CNTN5: variants seen among roughly 807,000 people sequenced by gnomAD.
CNTN5 encodes contactin-5.
Under a neutral mutation model 129.1 loss-of-function variants are expected in CNTN5, and 77 were observed. That is an observed-to-expected ratio of 0.60 (90% CI 0.50 to 0.72). CNTN5 has a LOEUF of 0.72. Among genes scored for constraint, CNTN5 ranks in the 30% least tolerant of loss-of-function variants. CNTN5 has a pLI of 0.00. For missense variants in CNTN5, 1,478 were observed against 1,328.8 expected (o/e 1.11, Z -1.75); for synonymous variants, 509 against 465.6 (o/e 1.09, Z -1.20).
chr11:99,617,846 A>T (rs190545188), intron 3 of CNTN5, among the ~76,000 whole-genome samples: 45 of 152,304 alleles, frequency 3.0e-4, no homozygotes, highest in African/African-American at 1.1e-3. Context: ...AGTGCCCTAC[A>T]CATAGTTTTA....
chr11:99,663,884 A>G (rs566979853), intron 3 of CNTN5, among the ~76,000 whole-genome samples: 258 of 152,310 alleles, frequency 1.7e-3, no homozygotes, highest in Non-Finnish European at 3.0e-3. Context: ...ACAATGATAC[A>G]TTTAGGCCAA....
At chr11:99,039,007 G>A (rs1246659038) in intron 1 of CNTN5, among the ~76,000 whole-genome samples, 2 of 151,940 alleles carry the variant, frequency 1.3e-5, no homozygotes, top group African/African-American at 2.4e-5. Context: ...TAGCTAAAAT[G>A]TCATATTTCT....
intron 9 of CNTN5, among the ~76,000 whole-genome samples, chr11:100,054,414 A>G (rs12279744): frequency 0.11 from 15,983 of 151,842 alleles, 944 homozygotes; most frequent in Middle Eastern, 0.25. Context: ...CAACCTAACC[A>G]GTATTTTCCT....
chr11:99,325,787 A>C (rs2136009987), intron 2 of CNTN5, among the ~76,000 whole-genome samples: 1 of 152,314 alleles, frequency 6.6e-6, no homozygotes, highest in Admixed American at 6.5e-5. Context: ...GTGGTATAAA[A>C]TGGCTGAAAA....
chr11:99,881,521 C>CA (rs1948771474), intron 6 of CNTN5, among the ~76,000 whole-genome samples: 1 of 152,096 alleles, frequency 6.6e-6, no homozygotes, highest in Admixed American at 6.5e-5. Context: ...TTATGAATTA[C>CA]AGCATCATTG....
intron 3 of CNTN5, among the ~76,000 whole-genome samples, chr11:99,687,306 T>A (rs144965305): frequency 1.3e-5 from 2 of 152,066 alleles, no homozygotes; most frequent in African/African-American, 4.8e-5. Context: ...ATATAATACC[T>A]CTCAGTGTAC....
chr11:100,250,210 A>G (rs1336785016), intron 16 of CNTN5, among the ~76,000 whole-genome samples: 4 of 151,792 alleles, frequency 2.6e-5, no homozygotes, highest in Admixed American at 1.3e-4. Flanking sequence ...AACTTGGATG[A>G]AAAAAAACCC....
intron 1 of CNTN5, among the ~76,000 whole-genome samples, chr11:99,048,445 A>G (rs1465017025): frequency 6.6e-6 from 1 of 152,146 alleles, no homozygotes; most frequent in African/African-American, 2.4e-5. Context: ...GTATTTCTCT[A>G]TTTTCAGAAA....
chr11:99,581,910 C>T (rs979057794), intron 3 of CNTN5, among the ~76,000 whole-genome samples: 8 of 152,252 alleles, frequency 5.3e-5, no homozygotes, highest in African/African-American at 1.9e-4. Flanking sequence ...GATGCAGTTG[C>T]TTCCTAGCCT....
At chr11:99,574,288 T>A (rs1949274834) in intron 3 of CNTN5, among the ~76,000 whole-genome samples, 1 of 152,240 alleles carries the variant, frequency 6.6e-6, no homozygotes, top group Admixed American at 6.5e-5. Context: ...GTGCCACATT[T>A]TCTTTACCCA....
At chr11:99,132,200 C>T (rs1858975753) in intron 1 of CNTN5, among the ~76,000 whole-genome samples, 1 of 55,310 alleles carries the variant, frequency 1.8e-5, no homozygotes, top group Admixed American at 2.6e-4. Context: ...AATTTAACAT[C>T]CTTTCATGTT....
intron 1 of CNTN5, among the ~76,000 whole-genome samples, chr11:99,110,795 AG>A (rs1857754021): frequency 6.6e-6 from 1 of 152,190 alleles, no homozygotes; most frequent in Admixed American, 6.6e-5. Flanking sequence ...AATGTTTAAA[AG>A]TATTTTAGAA....
intron 16 of CNTN5, among the ~76,000 whole-genome samples, chr11:100,230,209 A>G (rs776381352): frequency 6.6e-6 from 1 of 152,172 alleles, no homozygotes; most frequent in African/African-American, 2.4e-5. Flanking sequence ...CTTCCTCTTA[A>G]AGAAAAGCTA....
intron 1 of CNTN5, among the ~76,000 whole-genome samples, chr11:99,302,508 A>G (rs1472778886): frequency 1.3e-5 from 2 of 151,832 alleles, no homozygotes; most frequent in African/African-American, 4.8e-5. Flanking sequence ...TGCTGTTTAT[A>G]TTTTTATTGA....
intron 13 of CNTN5, among the ~76,000 whole-genome samples, chr11:100,088,312 A>G (rs1028504269): frequency 2.2e-4 from 33 of 152,012 alleles, no homozygotes; most frequent in African/African-American, 8.0e-4. Flanking sequence ...ACAATCTAAC[A>G]TCATACCTAG....
intron 21 of CNTN5, among the ~76,000 whole-genome samples, chr11:100,336,583 CTTTAA>C (rs1427293726): frequency 3.3e-5 from 5 of 152,088 alleles, no homozygotes; most frequent in Non-Finnish European, 7.4e-5. Flanking sequence ...TTTTTAATGA[CTTTAA>C]TTTGGTTTCA....
chr11:99,964,101 C>T (rs926320572), intron 8 of CNTN5, among the ~76,000 whole-genome samples: 6 of 152,154 alleles, frequency 3.9e-5, no homozygotes, highest in South Asian at 2.1e-4. Flanking sequence ...ATGTCATCTG[C>T]AAACAGGGAC....
chr11:100,285,957 T>C (rs1179255954), intron 18 of CNTN5, among the ~76,000 whole-genome samples: 1 of 151,990 alleles, frequency 6.6e-6, no homozygotes, highest in African/African-American at 2.4e-5. Flanking sequence ...GCGCAAGGGG[T>C]CAGGGAGCTC....
intron 6 of CNTN5, among the ~76,000 whole-genome samples, chr11:99,867,553 C>T (rs947028452): frequency 2.0e-5 from 3 of 152,164 alleles, no homozygotes; most frequent in African/African-American, 7.2e-5. Context: ...CTGCTGCCCA[C>T]ATTTCTTAGC....
Sources: allele counts gnomAD v4.1 joint callset (sites outside exome capture counted in the v4.1 genomes callset), GRCh38; gene constraint gnomAD v4.1.1; transcripts MANE v1.5; gene names NCBI Gene and HGNC (gene_info 2026-07-23, HGNC 2026-07-21).